The following MAGI2 variants were observed in gnomAD, a reference collection of about 807,000 sequenced individuals.
MAGI2 encodes the protein membrane associated guanylate kinase, WW and PDZ domain containing 2, also known as membrane-associated guanylate kinase, WW and PDZ domain-containing protein 2.
In MAGI2, 35 loss-of-function variants were observed where a neutral mutation model predicts 133.3. That is an observed-to-expected ratio of 0.26 (90% confidence interval 0.20 to 0.35). The LOEUF (loss-of-function observed/expected upper bound fraction) is 0.35. MAGI2 is among the 10% of genes least tolerant of loss of function. The pLI, the probability that MAGI2 is intolerant of heterozygous loss-of-function variation, is 1.00. For synonymous variants in MAGI2, 729 were observed against 710.6 expected, an observed-to-expected ratio of 1.03 and a Z score of -0.41; for missense variants, 1,636 against 1,863.4, an observed-to-expected ratio of 0.88 and a Z score of 2.25.
At chr7:78,532,973 G>C (rs1797589030) in intron 3 of MAGI2, among the ~76,000 whole-genome samples, 1 of 149,206 alleles carries the variant, frequency 6.7e-6, no homozygotes, top group African/African-American at 2.5e-5. Flanking sequence ...ATGGAGTCTT[G>C]CTCTGTTGCC....
intron 2 of MAGI2, among the ~76,000 whole-genome samples, chr7:78,686,560 G>GAA (rs5885089): frequency 0.32 from 44,230 of 136,270 alleles, 7,109 homozygotes; most frequent in Middle Eastern, 0.36. Context: ...GAGGAAAGTG[G>GAA]AAAAAAAAAA....
intron 9 of MAGI2, among the ~76,000 whole-genome samples, chr7:78,258,465 T>A (rs1297855082): frequency 6.6e-6 from 1 of 152,186 alleles, no homozygotes; most frequent in African/African-American, 2.4e-5. Flanking sequence ...ACATTGCTCA[T>A]ATTAGTTGAA....
chr7:78,640,412 A>G (rs935350840), intron 2 of MAGI2, among the ~76,000 whole-genome samples: 7 of 152,226 alleles, frequency 4.6e-5, no homozygotes, highest in Non-Finnish European at 8.8e-5. Context: ...TAAAAATATA[A>G]AAGAAAATTT....
intron 1 of MAGI2, among the ~76,000 whole-genome samples, chr7:79,165,067 T>C (rs1052446945): frequency 4.7e-4 from 72 of 152,246 alleles, no homozygotes; most frequent in African/African-American, 1.5e-3. Flanking sequence ...ACTCAGAGTC[T>C]TATTTTTAAA....
chr7:78,680,001 T>G (rs1815476787), intron 2 of MAGI2, among the ~76,000 whole-genome samples: 1 of 152,088 alleles, frequency 6.6e-6, no homozygotes, highest in African/African-American at 2.4e-5. Flanking sequence ...AAAATCAAAA[T>G]CAAAAGCAAA....
intron 4 of MAGI2, among the ~76,000 whole-genome samples, chr7:78,503,959 CATAGCAGTGTGAGGATG>C (rs767744359): frequency 3.0e-4 from 46 of 151,252 alleles, no homozygotes; most frequent in Non-Finnish European, 4.3e-4. Context: ...GGTATTTCTT[CATAGCAGTGTGAGGATG>C]AACTAATATG....
At chr7:78,814,350 A>AC (rs1216794498) in intron 2 of MAGI2, among the ~76,000 whole-genome samples, 1 of 152,218 alleles carries the variant, frequency 6.6e-6, no homozygotes, top group Non-Finnish European at 1.5e-5. Context: ...TAATAGCGGT[A>AC]TAATCTGTAT....
chr7:78,741,148 C>T (rs1822380860), intron 2 of MAGI2, among the ~76,000 whole-genome samples: 1 of 151,970 alleles, frequency 6.6e-6, no homozygotes, highest in African/African-American at 2.4e-5. Context: ...AAATTTCTCA[C>T]AAGTCATACA....
At chr7:78,414,314 GAA>G (rs969728090) in intron 6 of MAGI2, among the ~76,000 whole-genome samples, 51 of 151,954 alleles carry the variant, frequency 3.4e-4, no homozygotes, top group African/African-American at 1.2e-3. Context: ...TTTATAAAAA[GAA>G]AAGCAGAATA....
intron 2 of MAGI2, among the ~76,000 whole-genome samples, chr7:78,806,338 ATATATT>A (rs1355303628): frequency 6.6e-6 from 1 of 152,146 alleles, no homozygotes; most frequent in African/African-American, 2.4e-5. Flanking sequence ...AAGTAGAATA[ATATATT>A]TAAATTTCTT....
chr7:78,805,888 C>T (rs1377207723), intron 2 of MAGI2, among the ~76,000 whole-genome samples: 1 of 152,168 alleles, frequency 6.6e-6, no homozygotes, highest in Non-Finnish European at 1.5e-5. Context: ...CCAGCCCTCA[C>T]ATCACAGCAG....
At chr7:78,852,632 C>A (rs1793241198) in intron 2 of MAGI2, among the ~76,000 whole-genome samples, 2 of 152,182 alleles carry the variant, frequency 1.3e-5, no homozygotes, top group African/African-American at 4.8e-5. Context: ...GATTTTAACA[C>A]AACACTAATC....
intron 1 of MAGI2, among the ~76,000 whole-genome samples, chr7:79,338,268 C>T (rs187200162): frequency 6.6e-6 from 1 of 152,154 alleles, no homozygotes; most frequent in African/African-American, 2.4e-5. Flanking sequence ...GGTGCATCTG[C>T]CTTCTCTAGA....
At chr7:78,971,119 T>C (rs565229268) in intron 2 of MAGI2, among the ~76,000 whole-genome samples, 2 of 152,178 alleles carry the variant, frequency 1.3e-5, no homozygotes, top group African/African-American at 4.8e-5. Context: ...GCTAAAAATA[T>C]TTCATACAGT....
chr7:79,107,173 GCTTTCT>G (rs1278610860), intron 1 of MAGI2, among the ~76,000 whole-genome samples: 2 of 152,200 alleles, frequency 1.3e-5, no homozygotes, highest in Non-Finnish European at 2.9e-5. Flanking sequence ...TAAGTGGAGA[GCTTTCT>G]CCAGGTAAGA....
chr7:79,063,749 C>T (rs1192507354), intron 1 of MAGI2, among the ~76,000 whole-genome samples: 1 of 152,074 alleles, frequency 6.6e-6, no homozygotes, highest in Non-Finnish European at 1.5e-5. Flanking sequence ...CCATCTGCTT[C>T]TCAAATTAAA....
intron 10 of MAGI2, among the ~76,000 whole-genome samples, chr7:78,250,298 A>G (rs1483589873): frequency 3.3e-5 from 5 of 152,116 alleles, no homozygotes; most frequent in Non-Finnish European, 5.9e-5. Context: ...TAAGTAACCT[A>G]TAGGTCAAAA....
chr7:78,738,397 A>G (rs1563434172), intron 2 of MAGI2, among the ~76,000 whole-genome samples: 1 of 152,064 alleles, frequency 6.6e-6, no homozygotes, highest in East Asian at 1.9e-4. Flanking sequence ...CTACAGATAT[A>G]ATTCTAATTT....
intron 4 of MAGI2, among the ~76,000 whole-genome samples, chr7:78,520,673 A>G (rs899243086): frequency 3.3e-5 from 5 of 152,160 alleles, no homozygotes; most frequent in African/African-American, 1.2e-4. Flanking sequence ...AATTATGAAT[A>G]ATTTTATTTT....
Sources: gnomAD v4.1 joint callset for allele counts (sites outside exome capture counted in the v4.1 genomes callset) on GRCh38, gnomAD v4.1.1 for gene constraint, MANE v1.5 for transcripts, NCBI Gene and HGNC (gene_info 2026-07-23, HGNC 2026-07-21) for gene names.